The following CUEDC1 variants were observed in gnomAD, a reference collection of about 807,000 sequenced individuals.
CUEDC1 encodes CUE domain containing 1.
CUEDC1 carries 30 observed loss-of-function variants against 43.7 expected under a neutral mutation model. That is an observed-to-expected ratio of 0.69 (90% CI 0.51 to 0.93). The LOEUF is 0.93. Ranked by LOEUF, CUEDC1 falls within the 40% of genes least tolerant of loss-of-function variation. CUEDC1 has a pLI of 0.00. For missense variants in CUEDC1, 486 were observed against 549.0 expected (o/e 0.89, Z 1.15); for synonymous variants, 223 against 223.6 (o/e 1.00, Z 0.02).
intron 1 of CUEDC1, among the ~76,000 whole-genome samples, chr17:57,940,569 G>A (rs536395908): frequency 7.9e-5 from 12 of 152,194 alleles, no homozygotes; most frequent in African/African-American, 2.4e-5. Flanking sequence ...GACTTTCCAC[G>A]AGCAAAAAAT....
chr17:57,904,664 C>T (rs1397965177), intron 1 of CUEDC1, among the ~76,000 whole-genome samples: 1 of 152,154 alleles, frequency 6.6e-6, no homozygotes, highest in Non-Finnish European at 1.5e-5. Context: ...AGAGCTTAAC[C>T]TTGAGGCCTT....
intron 10 of CUEDC1, among the ~76,000 whole-genome samples, chr17:57,864,852 G>A (rs533359384): frequency 2.1e-4 from 32 of 152,252 alleles, no homozygotes; most frequent in East Asian, 1.5e-3. Flanking sequence ...TCAGATGTTC[G>A]AAACCAGCCT....
At chr17:57,885,159 G>A (rs1301014561) in intron 2 of CUEDC1, 70 bp downstream of exon 2, 1 of 1,484,750 alleles carries the variant, frequency 6.7e-7, no homozygotes, top group East Asian at 2.5e-5. Flanking sequence ...AATTACCCGG[G>A]CCGTGCCCCT....
intron 1 of CUEDC1, among the ~76,000 whole-genome samples, chr17:57,899,069 C>A (rs1248676351): frequency 6.6e-6 from 1 of 152,056 alleles, no homozygotes; most frequent in Non-Finnish European, 1.5e-5. Flanking sequence ...GACAGAGGAA[C>A]AGAGGCTGGG....
At chr17:57,886,817 GTTTT>G (rs777598269) in intron 1 of CUEDC1, among the ~76,000 whole-genome samples, 4 of 118,502 alleles carry the variant, frequency 3.4e-5, no homozygotes, top group Non-Finnish European at 7.0e-5. Flanking sequence ...AATTCTGGTT[GTTTT>G]TTTTTTTTTT....
At position 57,868,261 on chromosome 17, in the gene CUEDC1, T is replaced by TGTGAGTCA; in HGVS notation, c.941-26_941-19dup. ...CCGGGTGGCTGGGGGCAGAGAGACC[T>TGTGAGTCA]GTGAGTCATTCTCTCAGCAGCCAGC... On this transcript the variant is annotated intron_variant, in intron 7 of 10. Transcript: ENST00000577830. The TGTGAGTCA allele has an allele frequency of 6.2e-7, 1 of 1,608,108 alleles. No homozygotes were observed. The highest frequency in any genetic ancestry group is 2.2e-5 in the East Asian group (1 of 44,850).
At chr17:57,947,306 C>T (rs1302592279) in intron 1 of CUEDC1, among the ~76,000 whole-genome samples, 1 of 152,102 alleles carries the variant, frequency 6.6e-6, no homozygotes, top group Non-Finnish European at 1.5e-5. Context: ...CAGTTCACCC[C>T]GTGAGCTAAA....
chr17:57,952,621 G>A (rs2075017993), intron 1 of CUEDC1, among the ~76,000 whole-genome samples: 1 of 152,158 alleles, frequency 6.6e-6, no homozygotes, highest in African/African-American at 2.4e-5. Flanking sequence ...AGTCAGAGGT[G>A]ACCCCTGTCA....
chr17:57,896,487 G>GGGGGGGTGT lies in CUEDC1; in HGVS notation c.-315-10609_-315-10608insACACCCCCC, dbSNP rs375270781. 1.1e-3 allele frequency among the ~76,000 whole-genome samples: 142 copies of GGGGGGGTGT among 130,366 alleles called. 3 individuals carry two copies. Among genetic ancestry groups the GGGGGGGTGT allele is most frequent in the South Asian group, 6.2e-3 (25 of 4,026 alleles). 85.5% of individuals were successfully genotyped at this position (130,366 alleles called of 152,430 possible). ...GTCACTCTACTATAGTGCATTATGG[G>GGGGGGGTGT]GTGTGTGTGTGTGTGTGTGTGTGTG... is the stretch of plus-strand genomic sequence containing the variant. On this transcript the variant is annotated intron_variant, in intron 1 of 10. Transcript: ENST00000577830.
intron 1 of CUEDC1, among the ~76,000 whole-genome samples, chr17:57,943,934 C>T (rs534223491): frequency 1.1e-3 from 160 of 152,250 alleles, no homozygotes; most frequent in Non-Finnish European, 1.9e-3. Flanking sequence ...AATAAGAATC[C>T]TAACGCTACA....
intron 1 of CUEDC1, among the ~76,000 whole-genome samples, chr17:57,950,558 C>T (rs1598030839): frequency 2.0e-5 from 3 of 150,648 alleles, no homozygotes; most frequent in Admixed American, 2.0e-4. Flanking sequence ...CTGAAACCTC[C>T]GCCTCCTGGG....
chr17:57,873,830 G>T, intron 3 of CUEDC1, 113 bp from the exon 4 acceptor site: 1 of 1,105,454 alleles, frequency 9.0e-7, no homozygotes, highest in Non-Finnish European at 1.2e-6. Flanking sequence ...AGATTCCCAT[G>T]GCCTCCACTG....
At chr17:57,891,478 G>A (rs1212883772) in intron 1 of CUEDC1, among the ~76,000 whole-genome samples, 1 of 152,112 alleles carries the variant, frequency 6.6e-6, no homozygotes, top group Non-Finnish European at 1.5e-5. Context: ...CCCACGTGTT[G>A]GCCTAGAGAC....
chr17:57,939,738 G>A (rs1425382663), intron 1 of CUEDC1, among the ~76,000 whole-genome samples: 1 of 152,128 alleles, frequency 6.6e-6, no homozygotes, highest in African/African-American at 2.4e-5. Context: ...ATCCACACAA[G>A]CCCATCAGAC....
chr17:57,934,559 T>TA (rs575832390), intron 1 of CUEDC1, among the ~76,000 whole-genome samples: 1,546 of 65,296 alleles, frequency 0.024, 43 homozygotes, highest in African/African-American at 0.026. Context: ...CCTGTCTCTC[T>TA]AAAAAAAAAA....
In CUEDC1 at chr17:57,867,293, G is replaced by A. The variant is rs1372971043; in HGVS notation, c.1093+64C>T. 6 of 1,481,718 alleles carry A rather than the reference G, an allele frequency of 4.0e-6. No individual in the cohort carries two copies. In the Admixed American group the frequency reaches 5.9e-5, roughly 15 times the overall value. 91.8% of individuals were successfully genotyped at this position (1,481,718 alleles called of 1,614,324 possible). On this transcript the variant is annotated intron_variant, in intron 9 of 10. Coordinates refer to ENST00000577830, the MANE Select transcript of CUEDC1 (RefSeq NM_001271875.2). ...GCGGGTGCTCCCATGAAACACCCAGGAACTCCGCTGGGAGATCACCGATCA... is the reference window on the plus strand; with the variant it reads ...GCGGGTGCTCCCATGAAACACCCAGAAACTCCGCTGGGAGATCACCGATCA...
chr17:57,877,778 G>A (rs562151405), intron 3 of CUEDC1, among the ~76,000 whole-genome samples: 4 of 151,694 alleles, frequency 2.6e-5, no homozygotes, highest in South Asian at 4.2e-4. Context: ...CCAGCTACTC[G>A]GGAGGCTGAG....
At chr17:57,935,843 G>A (rs1224299253) in intron 1 of CUEDC1, among the ~76,000 whole-genome samples, 1 of 152,120 alleles carries the variant, frequency 6.6e-6, no homozygotes. Context: ...TGGAAGCATG[G>A]ATTTTCATCA....
At chr17:57,885,051 G>A (rs1046298330) in intron 2 of CUEDC1, among the ~76,000 whole-genome samples, 178 bp downstream of exon 2, 3 of 152,246 alleles carry the variant, frequency 2.0e-5, no homozygotes, top group African/African-American at 7.2e-5. Flanking sequence ...GGTGACTGAC[G>A]GATGGTACTT....
Sources: gnomAD v4.1 joint callset for allele counts (sites outside exome capture counted in the v4.1 genomes callset) on GRCh38, gnomAD v4.1.1 for gene constraint, MANE v1.5 for transcripts, NCBI Gene and HGNC (gene_info 2026-07-23, HGNC 2026-07-21) for gene names.